PITPNC1: variants seen among roughly 807,000 people sequenced by gnomAD.
PITPNC1 encodes cytoplasmic phosphatidylinositol transfer protein 1.
Under a neutral mutation model 44.7 loss-of-function variants are expected in PITPNC1, and 18 were observed. That is an observed-to-expected ratio of 0.40 (90% CI 0.28 to 0.60). The LOEUF (loss-of-function observed/expected upper bound fraction) is 0.60. Ranked by LOEUF, PITPNC1 falls within the 20% of genes least tolerant of loss-of-function variation. PITPNC1 has a pLI of 0.39. For synonymous variants in PITPNC1, 141 were observed against 149.6 expected (o/e 0.94, Z 0.42); for missense variants, 290 against 418.4 (o/e 0.69, Z 2.68).
At chr17:67,515,266 C>T (rs1355958784) in intron 1 of PITPNC1, among the ~76,000 whole-genome samples, 6 of 152,292 alleles carry the variant, frequency 3.9e-5, no homozygotes, top group South Asian at 2.1e-4. Context: ...GTTCTGGAAA[C>T]GTCTTCCTCT....
intron 1 of PITPNC1, among the ~76,000 whole-genome samples, chr17:67,380,185 C>T (rs2037936948): frequency 6.6e-6 from 1 of 152,066 alleles, no homozygotes; most frequent in Non-Finnish European, 1.5e-5. Flanking sequence ...AGCAATTCTC[C>T]TGCCTCAGCC....
At chr17:67,447,113 A>G (rs2039108872) in intron 1 of PITPNC1, among the ~76,000 whole-genome samples, 1 of 150,622 alleles carries the variant, frequency 6.6e-6, no homozygotes, top group Non-Finnish European at 1.5e-5. Context: ...AAAAAAAAAA[A>G]AAAGAATGAC....
chr17:67,520,643 T>C (rs1409562071), intron 1 of PITPNC1, among the ~76,000 whole-genome samples: 1 of 152,188 alleles, frequency 6.6e-6, no homozygotes, highest in Non-Finnish European at 1.5e-5. Flanking sequence ...GAAATGCATG[T>C]TGAGTGATGA....
In PITPNC1 at chr17:67,532,859, G is replaced by A. The variant is rs2040481015; in HGVS notation, c.106G>A (p.Gly36Arg). The A allele has an allele frequency of 6.3e-7, 1 of 1,598,646 alleles. No individual in the cohort carries two copies. ...ACACAGCCATGAACAGAGTGACCGG[G>A]GAGAAGGGGTGGAGGTCGTCCAGAA... ...SKHSHEQSDR[G>R]EGVEVVQNEP... The change falls in exon 2 of 9, where the codon GGA becomes AGA. Residue 36 changes from glycine (G) to arginine (R), a missense_variant. Coordinates refer to ENST00000581322, the MANE Select transcript of PITPNC1 (RefSeq NM_012417.4).
At chr17:67,420,839 A>G (rs780715068) in intron 1 of PITPNC1, among the ~76,000 whole-genome samples, 6 of 152,076 alleles carry the variant, frequency 3.9e-5, no homozygotes, top group Non-Finnish European at 5.9e-5. Context: ...CTTACTTTCC[A>G]GTGTTTCTTC....
intron 1 of PITPNC1, among the ~76,000 whole-genome samples, chr17:67,499,859 C>G (rs2040003772): frequency 6.6e-6 from 1 of 152,192 alleles, no homozygotes; most frequent in Admixed American, 6.5e-5. Flanking sequence ...ATGATGTTTG[C>G]ACGACAGAAT....
At chr17:67,592,636 G>A (rs369150438) in intron 5 of PITPNC1, among the ~76,000 whole-genome samples, 1 of 152,232 alleles carries the variant, frequency 6.6e-6, no homozygotes, top group East Asian at 1.9e-4. Flanking sequence ...AACGTAAGCT[G>A]ATCATGTGAA....
intron 7 of PITPNC1, among the ~76,000 whole-genome samples, chr17:67,671,185 C>T (rs187807702): frequency 6.6e-6 from 1 of 152,154 alleles, no homozygotes; most frequent in Admixed American, 6.5e-5. Flanking sequence ...CGTGCCCGGC[C>T]GGCATGTTCA....
intron 1 of PITPNC1, among the ~76,000 whole-genome samples, chr17:67,483,740 G>C (rs539878593): frequency 6.6e-6 from 1 of 152,306 alleles, no homozygotes; most frequent in South Asian, 2.1e-4. Context: ...TAGCCTTCAA[G>C]CCCTGGGGGG....
intron 1 of PITPNC1, among the ~76,000 whole-genome samples, chr17:67,425,192 C>CGCGCGCGCGCGCGG (rs1305333048): frequency 2.4e-5 from 1 of 40,914 alleles, no homozygotes; most frequent in Non-Finnish European, 4.6e-5. Context: ...GTTGTGCGCG[C>CGCGCGCGCGCGCGG]GCACGCACAC....
intron 8 of PITPNC1, among the ~76,000 whole-genome samples, chr17:67,687,967 ATCTCTTTGGGT>A (rs1429986411): frequency 6.6e-6 from 1 of 151,022 alleles, no homozygotes; most frequent in African/African-American, 2.4e-5. Flanking sequence ...CAGAGCTGTG[ATCTCTTTGGGT>A]TCCGCCTTGA....
At chr17:67,583,865 T>G (rs571775764) in intron 5 of PITPNC1, among the ~76,000 whole-genome samples, 1,790 of 118,268 alleles carry the variant, frequency 0.015, 19 homozygotes, top group South Asian at 0.038. Context: ...CTGGCTAATT[T>G]TGTGTGTGTG....
intron 4 of PITPNC1, among the ~76,000 whole-genome samples, chr17:67,557,127 G>A (rs141446272): frequency 1.8e-4 from 28 of 152,218 alleles, no homozygotes; most frequent in South Asian, 1.0e-3. Context: ...CTGAAAGTGC[G>A]ACTGGGTTCC....
intron 1 of PITPNC1, among the ~76,000 whole-genome samples, chr17:67,431,064 T>TTC (rs200951281): frequency 0.012 from 1,783 of 147,724 alleles, 46 homozygotes; most frequent in African/African-American, 0.042. Context: ...TACTGTTTCT[T>TTC]TTTTTTTTTT....
intron 8 of PITPNC1, among the ~76,000 whole-genome samples, chr17:67,684,151 G>A (rs565423459): frequency 1.4e-3 from 181 of 131,532 alleles, no homozygotes; most frequent in African/African-American, 5.0e-3. Context: ...TTGCTCTGTC[G>A]CCCAGGCTGG....
rs532669395 is a variant in PITPNC1, at chr17:67,607,853, C to T, written c.367-24290C>T. The stretch of plus-strand genomic sequence containing the variant: ...AAGCGATTCTCCTGCCTCAGCTTCC[C>T]GAGTACCTGGGATTATAGGCGCCCG... On this transcript the variant is annotated intron_variant, in intron 5 of 8. Transcript: ENST00000581322. 7.2e-5 allele frequency among the ~76,000 whole-genome samples: 11 copies of T among 151,938 alleles called. No homozygotes were observed. In the South Asian group the frequency reaches 1.5e-3, roughly 20 times the overall value.
In PITPNC1 at chr17:67,417,767, G is replaced by A. The variant is rs548891382; in HGVS notation, c.48+39565G>A. On this transcript the variant is annotated intron_variant, in intron 1 of 8. Coordinates refer to ENST00000581322, the MANE Select transcript of PITPNC1 (RefSeq NM_012417.4). ...ACTGCTTGAAGTCAATGGGGGCTGG[G>A]TGCGGTGGCTCCTGTCTGTAATCCC... Among the ~76,000 whole-genome samples, 257 of 152,258 alleles carry A rather than the reference G, an allele frequency of 1.7e-3. 1 individual carries two copies. Among genetic ancestry groups the A allele is most frequent in the Non-Finnish European group, 2.9e-3 (194 of 68,018 alleles).
intron 6 of PITPNC1, among the ~76,000 whole-genome samples, chr17:67,632,947 A>G (rs1057049466): frequency 1.3e-5 from 2 of 152,182 alleles, no homozygotes; most frequent in Non-Finnish European, 2.9e-5. Flanking sequence ...AAGCACCTTA[A>G]TGAGGACATC....
At chr17:67,477,022 C>CT (rs1314364243) in intron 1 of PITPNC1, among the ~76,000 whole-genome samples, 2 of 152,190 alleles carry the variant, frequency 1.3e-5, no homozygotes. Context: ...TTTGGAAACT[C>CT]TGAGTGTTGC....
Sources: gnomAD v4.1 joint callset for allele counts (sites outside exome capture counted in the v4.1 genomes callset) on GRCh38, gnomAD v4.1.1 for gene constraint, MANE v1.5 for transcripts, NCBI Gene and HGNC (gene_info 2026-07-23, HGNC 2026-07-21) for gene names.